Variants in TMEM266 observed in about 807,000 individuals in gnomAD.
The protein encoded by TMEM266 is transmembrane protein 266, also known as Hv1 related protein 1.
TMEM266 carries 33 observed loss-of-function variants against 50.5 expected under a neutral mutation model. The ratio of observed to expected loss-of-function variants is 0.65; its 90% CI spans 0.50 to 0.87. TMEM266 has a LOEUF of 0.87. Ranked by LOEUF, TMEM266 falls within the 40% of genes least tolerant of loss-of-function variation. The pLI is 0.00. For synonymous variants in TMEM266, 310 were observed against 292.3 expected (o/e 1.06, Z -0.62); for missense variants, 655 against 695.1 (o/e 0.94, Z 0.65).
chr15:76,203,003 C>T (rs1028639414), intron 10 of TMEM266, among the ~76,000 whole-genome samples: 1 of 151,850 alleles, frequency 6.6e-6, no homozygotes, highest in African/African-American at 2.4e-5. Flanking sequence ...CCACCGTCTC[C>T]AGCCCAGACC....
intron 1 of TMEM266, among the ~76,000 whole-genome samples, chr15:76,110,514 C>A (rs1048875463): frequency 6.6e-6 from 1 of 152,120 alleles, no homozygotes; most frequent in Non-Finnish European, 1.5e-5. Flanking sequence ...AGATTGGACA[C>A]CCCTGCTTTA....
At position 76,070,300 on chromosome 15, in the gene TMEM266, C is replaced by G. The variant is rs535196334; in HGVS notation, c.-97+10284C>G. ...GAAGGATGAAGATGAGGCATGAAAG[C>G]CTTTTTCCTTCCAGGTTTTGCCTTC... On this transcript the variant is annotated intron_variant, in intron 1 of 10. Coordinates refer to ENST00000388942, the MANE Select transcript of TMEM266 (RefSeq NM_152335.3). 7.2e-5 allele frequency among the ~76,000 whole-genome samples: 11 copies of G among 152,292 alleles called. No individual in the cohort carries two copies. The East Asian group carries it at 2.1e-3, about 29-fold the overall frequency.
intron 1 of TMEM266, among the ~76,000 whole-genome samples, chr15:76,089,419 T>C (rs1567146717): frequency 6.6e-6 from 1 of 151,916 alleles, no homozygotes; most frequent in Non-Finnish European, 1.5e-5. Context: ...GGTCTCGATC[T>C]CCTGACCTTG....
chr15:76,158,185 C>T (rs1203859378), intron 4 of TMEM266, among the ~76,000 whole-genome samples: 2 of 152,152 alleles, frequency 1.3e-5, no homozygotes, highest in Non-Finnish European at 2.9e-5. Context: ...CAGGGTCTGT[C>T]CAAGCTCCCT....
intron 1 of TMEM266, chr15:76,111,880 A>G (rs1477657671): frequency 6.6e-6 from 1 of 152,232 alleles, no homozygotes; most frequent in Admixed American, 6.5e-5. Flanking sequence ...AGTAACCAAC[A>G]TGTTCTTCCA....
At chr15:76,194,293 C>A (rs1274616583) in intron 9 of TMEM266, among the ~76,000 whole-genome samples, 5 of 152,364 alleles carry the variant, frequency 3.3e-5, no homozygotes, top group South Asian at 4.1e-4. Context: ...ATCGCCAATT[C>A]CTGATTAGTT....
intron 1 of TMEM266, among the ~76,000 whole-genome samples, chr15:76,105,107 G>A (rs1206505304): frequency 2.6e-5 from 4 of 152,038 alleles, no homozygotes; most frequent in African/African-American, 4.8e-5. Flanking sequence ...TTAGCTGGGC[G>A]TGGTGGCGCA....
At chr15:76,062,516 C>A (rs1312374024) in intron 1 of TMEM266, among the ~76,000 whole-genome samples, 2 of 152,114 alleles carry the variant, frequency 1.3e-5, no homozygotes, top group Non-Finnish European at 2.9e-5. Context: ...GATTTCCAGT[C>A]TATGATCAGA....
intron 3 of TMEM266, among the ~76,000 whole-genome samples, 200 bp downstream of exon 3, chr15:76,138,095 C>T (rs1371688812): frequency 1.3e-5 from 2 of 151,878 alleles, no homozygotes; most frequent in African/African-American, 4.8e-5. Context: ...GGTGGTGCAG[C>T]CCTGTAATCT....
At chr15:76,194,968 G>A (rs572855178) in intron 9 of TMEM266, among the ~76,000 whole-genome samples, 2 of 152,168 alleles carry the variant, frequency 1.3e-5, no homozygotes, top group South Asian at 4.1e-4. Flanking sequence ...ATCTTGCCCC[G>A]GGCTGCTTCC....
At chr15:76,193,554 T>C (rs376928484) in intron 9 of TMEM266, among the ~76,000 whole-genome samples, 1 of 152,168 alleles carries the variant, frequency 6.6e-6, no homozygotes. Flanking sequence ...CTTAGAAACA[T>C]AGGATTTGGG....
Position 76,170,686 on chromosome 15 carries a change from A to G in TMEM266, c.514-307A>G, listed in dbSNP as rs1300493251. Reference sequence around the variant, plus strand: ...GAGGGATCCAGCTTGGCCTCTGCCCAGGGCCTGGGATACAGGATGCAGGCC... The same window carrying G: ...GAGGGATCCAGCTTGGCCTCTGCCCGGGGCCTGGGATACAGGATGCAGGCC... On this transcript the variant is annotated intron_variant, in intron 6 of 10. Transcript: ENST00000388942. Among the ~76,000 whole-genome samples the G allele has an allele frequency of 2.0e-5, 3 of 152,216 alleles. No homozygotes were observed. The East Asian group carries it at 5.8e-4, about 29-fold the overall frequency.
chr15:76,069,025 C>T (rs558480234), intron 1 of TMEM266, among the ~76,000 whole-genome samples: 6 of 152,234 alleles, frequency 3.9e-5, no homozygotes, highest in South Asian at 2.1e-4. Flanking sequence ...CTAGAACCTA[C>T]AGCACATCAC....
intron 5 of TMEM266, among the ~76,000 whole-genome samples, chr15:76,166,585 G>A (rs1189450417): frequency 6.6e-6 from 1 of 152,208 alleles, no homozygotes; most frequent in Non-Finnish European, 1.5e-5. Context: ...CAGAGGCTCT[G>A]GGTGCGCTGT....
At position 76,195,862 on chromosome 15, in the gene TMEM266, G is replaced by T. The variant is rs1157585863; in HGVS notation, c.958+3705G>T. Among the ~76,000 whole-genome samples the T allele has an allele frequency of 3.9e-5, 6 of 152,368 alleles. No homozygotes were observed. The East Asian group carries it at 9.7e-4, about 25-fold the overall frequency. ...AGGGGAGCCAAGATCTGGGCTTGGA[G>T]GTTCCACAAAGAAACCAAGCCTTTA... is the stretch of plus-strand genomic sequence containing the variant. On this transcript the variant is annotated intron_variant, in intron 9 of 10. Coordinates refer to ENST00000388942, the MANE Select transcript of TMEM266 (RefSeq NM_152335.3).
chr15:76,136,471 T>C (rs2037589950), intron 2 of TMEM266, among the ~76,000 whole-genome samples: 1 of 152,166 alleles, frequency 6.6e-6, no homozygotes, highest in South Asian at 2.1e-4. Flanking sequence ...CCTGCAGAAG[T>C]TGGCATTCAA....
chr15:76,148,628 C>T (rs2037791848), intron 3 of TMEM266, among the ~76,000 whole-genome samples: 1 of 152,216 alleles, frequency 6.6e-6, no homozygotes, highest in South Asian at 2.1e-4. Context: ...GGTCAGTGTC[C>T]TTTGTCCCCC....
intron 1 of TMEM266, among the ~76,000 whole-genome samples, chr15:76,116,896 C>CTTTTTTTTTTT (rs143849730): frequency 7.6e-6 from 1 of 131,662 alleles, no homozygotes; most frequent in Non-Finnish European, 1.7e-5. Flanking sequence ...AGCATATCTT[C>CTTTTTTTTTTT]TTTTTTTTTT....
At chr15:76,149,641 T>C (rs12442282) in intron 3 of TMEM266, among the ~76,000 whole-genome samples, 14,216 of 152,250 alleles carry the variant, frequency 0.093, 985 homozygotes, top group Admixed American at 0.21. Context: ...GGCTCAACGA[T>C]TGCACTCAGA....
Sources: gnomAD v4.1 joint callset for allele counts (sites outside exome capture counted in the v4.1 genomes callset) on GRCh38, gnomAD v4.1.1 for gene constraint, MANE v1.5 for transcripts, NCBI Gene and HGNC (gene_info 2026-07-23, HGNC 2026-07-21) for gene names.